Variants in NHSL1 observed in about 807,000 individuals in gnomAD.
The protein encoded by NHSL1 is NHS like 1, also known as NHS-like protein 1.
NHSL1 carries 48 observed loss-of-function variants against 95.0 expected under a neutral mutation model. That is an observed-to-expected ratio of 0.51 (90% CI 0.40 to 0.64). NHSL1 has a LOEUF of 0.64. Among genes scored for constraint, NHSL1 ranks in the 30% least tolerant of loss-of-function variants. NHSL1 has a pLI of 0.00. For synonymous variants in NHSL1, 783 were observed against 833.9 expected (o/e 0.94, Z 1.05); for missense variants, 1,971 against 2,077.7 (o/e 0.95, Z 1.00).
chr6:138,569,277 G>A (rs1206751868), intron 1 of NHSL1, among the ~76,000 whole-genome samples: 1 of 152,020 alleles, frequency 6.6e-6, no homozygotes, highest in African/African-American at 2.4e-5. Flanking sequence ...GTGTGAGAGA[G>A]AGAGAGAGAA....
intron 5 of NHSL1, among the ~76,000 whole-genome samples, chr6:138,438,553 G>T (rs1776331013): frequency 6.6e-6 from 1 of 152,152 alleles, no homozygotes; most frequent in Admixed American, 6.5e-5. Flanking sequence ...ACTACAAAAA[G>T]ACAACTACAA....
At chr6:138,615,155 G>A (rs1317506036) in intron 1 of NHSL1, among the ~76,000 whole-genome samples, 1 of 152,212 alleles carries the variant, frequency 6.6e-6, no homozygotes, top group African/African-American at 2.4e-5. Flanking sequence ...AGCAGGGCGT[G>A]AGCCAGGTCA....
At chr6:138,645,930 T>G (rs956194663) in intron 1 of NHSL1, among the ~76,000 whole-genome samples, 1 of 152,222 alleles carries the variant, frequency 6.6e-6, no homozygotes, top group Non-Finnish European at 1.5e-5. Context: ...TGTATACTGT[T>G]AAAAATGTTT....
intron 2 of NHSL1, among the ~76,000 whole-genome samples, chr6:138,488,688 T>C (rs984499895): frequency 3.3e-5 from 5 of 152,178 alleles, no homozygotes. Flanking sequence ...ATGAGCCAAT[T>C]TGCATTTCTA....
intron 2 of NHSL1, among the ~76,000 whole-genome samples, chr6:138,487,120 C>T (rs1046182914): frequency 4.0e-5 from 6 of 150,220 alleles, no homozygotes; most frequent in Non-Finnish European, 8.8e-5. Flanking sequence ...CGTGAAGGCA[C>T]AAAGTAAAAA....
intron 1 of NHSL1, among the ~76,000 whole-genome samples, chr6:138,649,917 C>A (rs1356220985): frequency 1.3e-5 from 2 of 152,154 alleles, no homozygotes; most frequent in Non-Finnish European, 2.9e-5. Flanking sequence ...CCCCCACGAG[C>A]CATTCTCCAG....
intron 2 of NHSL1, among the ~76,000 whole-genome samples, chr6:138,486,024 G>A (rs911018719): frequency 1.3e-5 from 2 of 151,922 alleles, no homozygotes; most frequent in Admixed American, 1.3e-4. Context: ...CTCATAACAC[G>A]CTTCCCCAAT....
chr6:138,576,709 C>A (rs115551613), upstream of NHSL1, among the ~76,000 whole-genome samples: 101 of 152,324 alleles, frequency 6.6e-4, 1 homozygote, highest in African/African-American at 2.2e-3. Flanking sequence ...CAGCACCCCC[C>A]TCCTTCACCA....
chr6:138,591,248 G>T (rs961188994), intron 1 of NHSL1, among the ~76,000 whole-genome samples: 1 of 152,008 alleles, frequency 6.6e-6, no homozygotes, highest in Non-Finnish European at 1.5e-5. Flanking sequence ...TTAAGTTGCA[G>T]AAAAAAGGGA....
At chr6:138,493,629 C>G (rs1186682531) in intron 2 of NHSL1, among the ~76,000 whole-genome samples, 1 of 152,224 alleles carries the variant, frequency 6.6e-6, no homozygotes, top group Non-Finnish European at 1.5e-5. Flanking sequence ...TGCTTAGGAG[C>G]TGGGCAGAGA....
intron 1 of NHSL1, among the ~76,000 whole-genome samples, chr6:138,542,173 C>T (rs539624189): frequency 1.8e-4 from 27 of 152,162 alleles, no homozygotes; most frequent in Middle Eastern, 3.4e-3. Flanking sequence ...GGAAGGAAGG[C>T]GGTAGGAAGA....
In NHSL1 at chr6:138,447,117, G is replaced by T; in HGVS notation, c.416C>A (p.Ser139Tyr). Residue 139 changes from serine (S) to tyrosine (Y), a missense_variant, in exon 4 of 8, where the codon TCC (serine) becomes TAC (tyrosine). Physicochemically the swap from Ser to Tyr is moderately radical, Grantham distance 144 (BLOSUM62 -2). Coordinates refer to ENST00000343505, the MANE Select transcript of NHSL1 (RefSeq NM_001144060.2). ...CCAGTTCGTCTGAGTATTAAGGTCG[G>T]AGAAGTCACTTGAGGCTGGTGTTTT... ...RPKTPASSDF[S>Y]DLNTQTNWTK... The T allele has an allele frequency of 6.4e-7, 1 of 1,551,820 alleles. No homozygotes were observed. The highest frequency in any genetic ancestry group is 1.2e-5 in the South Asian group (1 of 84,062).
At chr6:138,651,381 T>C (rs1785091069) in intron 1 of NHSL1, among the ~76,000 whole-genome samples, 1 of 152,252 alleles carries the variant, frequency 6.6e-6, no homozygotes, top group South Asian at 2.1e-4. Flanking sequence ...TAAGACTTTC[T>C]TTTTGTAATA....
At chr6:138,506,633 G>A (rs1484705690) in intron 1 of NHSL1, among the ~76,000 whole-genome samples, 2 of 151,996 alleles carry the variant, frequency 1.3e-5, no homozygotes, top group African/African-American at 4.8e-5. Context: ...TCTTGTATTT[G>A]GTTAATCTGG....
At chr6:138,494,461 C>T (rs1042068685) in intron 2 of NHSL1, among the ~76,000 whole-genome samples, 3 of 152,112 alleles carry the variant, frequency 2.0e-5, no homozygotes, top group Non-Finnish European at 2.9e-5. Flanking sequence ...GCAACAGTAA[C>T]AGTAAGCAGT....
chr6:138,490,733 A>G (rs1343098566), intron 2 of NHSL1, among the ~76,000 whole-genome samples: 3 of 152,146 alleles, frequency 2.0e-5, no homozygotes, highest in Non-Finnish European at 4.4e-5. Flanking sequence ...CCCAGGTTCA[A>G]GTGATTCTCC....
At chr6:138,600,413 C>T (rs1378280235) in intron 1 of NHSL1, among the ~76,000 whole-genome samples, 1 of 152,168 alleles carries the variant, frequency 6.6e-6, no homozygotes, top group East Asian at 1.9e-4. Context: ...TTTGAACTAG[C>T]AATGCCTACT....
chr6:138,587,409 C>G (rs927085666), intron 1 of NHSL1, among the ~76,000 whole-genome samples: 1 of 150,632 alleles, frequency 6.6e-6, no homozygotes, highest in East Asian at 2.0e-4. Flanking sequence ...TGGTGAAACC[C>G]CATCTCTACT....
At chr6:138,524,876 TA>T (rs772411627) in intron 1 of NHSL1, among the ~76,000 whole-genome samples, 6 of 152,206 alleles carry the variant, frequency 3.9e-5, no homozygotes, top group Non-Finnish European at 7.3e-5. Context: ...AGCCCATTCT[TA>T]AACATCAGAA....
Sources: allele counts gnomAD v4.1 joint callset (sites outside exome capture counted in the v4.1 genomes callset), GRCh38; gene constraint gnomAD v4.1.1; transcripts MANE v1.5; gene names NCBI Gene and HGNC (gene_info 2026-07-23, HGNC 2026-07-21).